RALGAPB: variants seen among roughly 807,000 people sequenced by gnomAD.
RALGAPB encodes ral GTPase-activating protein subunit beta.
RALGAPB carries 25 observed loss-of-function variants against 161.1 expected under a neutral mutation model. The ratio of observed to expected loss-of-function variants is 0.16; its 90% CI spans 0.11 to 0.22. RALGAPB has a LOEUF of 0.22. RALGAPB is among the 10% of genes least tolerant of loss of function. The pLI is 1.00. For missense variants in RALGAPB, 1,391 were observed against 1,815.2 expected, an observed-to-expected ratio of 0.77 and a Z score of 4.25; for synonymous variants, 629 against 626.1, an observed-to-expected ratio of 1.00 and a Z score of -0.07.
At chr20:38,489,508 G>T (rs2085214657) in intron 2 of RALGAPB, among the ~76,000 whole-genome samples, 1 of 152,182 alleles carries the variant, frequency 6.6e-6, no homozygotes, top group Non-Finnish European at 1.5e-5. Flanking sequence ...CCATTGGGAA[G>T]TCATGAAGGG....
intron 1 of RALGAPB, among the ~76,000 whole-genome samples, chr20:38,473,939 C>T (rs952600124): frequency 1.3e-5 from 2 of 152,172 alleles, no homozygotes; most frequent in African/African-American, 4.8e-5. Context: ...CTCTCTTTCT[C>T]CAGCTTAAGT....
At chr20:38,495,049 C>T (rs1404349774) in intron 3 of RALGAPB, among the ~76,000 whole-genome samples, 1 of 152,164 alleles carries the variant, frequency 6.6e-6, no homozygotes, top group East Asian at 1.9e-4. Flanking sequence ...AGTTCTCTTC[C>T]TGGCTAATGT....
intron 6 of RALGAPB, among the ~76,000 whole-genome samples, chr20:38,515,064 A>G (rs2086083915): frequency 6.6e-6 from 1 of 152,224 alleles, no homozygotes; most frequent in Non-Finnish European, 1.5e-5. Flanking sequence ...TGTGGGACTT[A>G]GGTGTAGTTC....
intron 1 of RALGAPB, among the ~76,000 whole-genome samples, chr20:38,475,659 G>T (rs1051108253): frequency 6.8e-6 from 1 of 146,250 alleles, no homozygotes; most frequent in Non-Finnish European, 1.5e-5. Context: ...CTGTCCCCCA[G>T]GCTGGAGTGT....
At chr20:38,569,790 C>CT in intron 26 of RALGAPB, 98 bp from the exon 27 acceptor site, 1 of 847,100 alleles carries the variant, frequency 1.2e-6, no homozygotes, top group Non-Finnish European at 1.9e-6. Context: ...TACTTGGTCA[C>CT]TGAGCACCTT....
At chr20:38,541,575 C>T (rs1229363175) in intron 18 of RALGAPB, among the ~76,000 whole-genome samples, 1 of 152,038 alleles carries the variant, frequency 6.6e-6, no homozygotes, top group Non-Finnish European at 1.5e-5. Flanking sequence ...CTCTGCTATA[C>T]CATTTATATT....
At chr20:38,533,646 T>C (rs2086720754) in intron 15 of RALGAPB, among the ~76,000 whole-genome samples, 1 of 152,206 alleles carries the variant, frequency 6.6e-6, no homozygotes, top group African/African-American at 2.4e-5. Context: ...GGCATGTTTC[T>C]ATGGTTTAAG....
At chr20:38,560,509 G>A (rs1337703305) in intron 23 of RALGAPB, among the ~76,000 whole-genome samples, 1 of 152,210 alleles carries the variant, frequency 6.6e-6, no homozygotes. Context: ...GAGCTTAAGA[G>A]AAGGTGGGCT....
rs752650180 is a variant in RALGAPB, at chr20:38,551,334, A to T, written c.3162+111A>T. ...TGTTGGAGATGATTTTTAAGATGAC[A>T]TGGGCCTCCATCATCCAGGAGGTTG... On this transcript the variant is annotated intron_variant, in intron 21 of 29. Transcript: ENST00000262879. The T allele has an allele frequency of 5.8e-6, 7 of 1,216,904 alleles. No individual in the cohort carries two copies. The African/African-American group carries it at 7.6e-5, about 13-fold the overall frequency. 75.4% of individuals were successfully genotyped at this position (1,216,904 alleles called of 1,614,324 possible). A position where few individuals can be genotyped will look rare whatever the true frequency, so the allele number is the denominator to read the frequency against.
chr20:38,495,889 G>C (rs2085414278), intron 3 of RALGAPB, among the ~76,000 whole-genome samples: 1 of 152,168 alleles, frequency 6.6e-6, no homozygotes, highest in African/African-American at 2.4e-5. Flanking sequence ...CAAATACCTG[G>C]AAATGGTAGG....
At chr20:38,530,189 T>G (rs867652636) in intron 13 of RALGAPB, among the ~76,000 whole-genome samples, 5 of 152,230 alleles carry the variant, frequency 3.3e-5, no homozygotes, top group Non-Finnish European at 7.3e-5. Context: ...CACATGGAGA[T>G]GGTTAGCATC....
In RALGAPB at chr20:38,492,914, A is replaced by T; in HGVS notation, c.187-16A>T. On this transcript the variant is annotated splice_polypyrimidine_tract_variant and intron_variant, in intron 2 of 29. Transcript: ENST00000262879. ...GAACGTGTAATAATTCTATATGGAT[A>T]TTTTCTTTTGTCTAGGTAAAATGGA... 6.4e-7 allele frequency: 1 copy of T among 1,573,020 alleles called. No homozygotes were observed. The highest frequency in any genetic ancestry group is 8.7e-7 in the Non-Finnish European group (1 of 1,143,670).
At chr20:38,536,551 G>GT (rs1253753863) in intron 16 of RALGAPB, among the ~76,000 whole-genome samples, 1 of 152,170 alleles carries the variant, frequency 6.6e-6, no homozygotes, top group African/African-American at 2.4e-5. Context: ...CTGCCAAACT[G>GT]TTTTTCACAG....
chr20:38,549,809 A>G (rs1490024049), intron 20 of RALGAPB, among the ~76,000 whole-genome samples: 1 of 152,090 alleles, frequency 6.6e-6, no homozygotes, highest in East Asian at 1.9e-4. Flanking sequence ...ATACACAATA[A>G]CACTTGAATA....
chr20:38,534,188 A>G (rs1377355649), intron 15 of RALGAPB, among the ~76,000 whole-genome samples: 2 of 151,556 alleles, frequency 1.3e-5, no homozygotes, highest in Non-Finnish European at 2.9e-5. Flanking sequence ...GAAATTTTTC[A>G]TTACTGCATG....
chr20:38,549,328 A>G (rs2087280447), intron 20 of RALGAPB, among the ~76,000 whole-genome samples: 1 of 151,930 alleles, frequency 6.6e-6, no homozygotes, highest in Non-Finnish European at 1.5e-5. Flanking sequence ...CCTGGGCTCC[A>G]GTGATCCTCT....
chr20:38,526,964 C>T (rs2086489651), intron 13 of RALGAPB, among the ~76,000 whole-genome samples: 1 of 152,188 alleles, frequency 6.6e-6, no homozygotes, highest in Non-Finnish European at 1.5e-5. Context: ...GAGATCACCA[C>T]CCTTGACAGT....
intron 8 of RALGAPB, 60 bp from the exon 9 acceptor site, chr20:38,517,724 G>T: frequency 6.2e-7 from 1 of 1,605,860 alleles, no homozygotes; most frequent in Non-Finnish European, 8.5e-7. Flanking sequence ...TTTTTATAAA[G>T]TCTTGCTATT....
At chr20:38,541,642 G>A (rs929470119) in intron 18 of RALGAPB, among the ~76,000 whole-genome samples, 1 of 152,124 alleles carries the variant, frequency 6.6e-6, no homozygotes, top group Non-Finnish European at 1.5e-5. Flanking sequence ...ACTGAGAATA[G>A]GATCTTAAAG....
Sources: gnomAD v4.1 joint callset for allele counts (sites outside exome capture counted in the v4.1 genomes callset) on GRCh38, gnomAD v4.1.1 for gene constraint, MANE v1.5 for transcripts, NCBI Gene and HGNC (gene_info 2026-07-23, HGNC 2026-07-21) for gene names.